GALNT17: variants seen among roughly 807,000 people sequenced by gnomAD.
GALNT17 encodes the protein UDP-GalNAc:polypeptide N-acetylgalactosaminyltransferase-like 3.
In GALNT17, 29 loss-of-function variants were observed where a neutral mutation model predicts 63.7. That is an observed-to-expected ratio of 0.46 (90% CI 0.34 to 0.62). The LOEUF is 0.62. Among genes scored for constraint, GALNT17 ranks in the 20% least tolerant of loss-of-function variants. GALNT17 has a pLI of 0.01. For synonymous variants in GALNT17, 305 were observed against 318.3 expected (o/e 0.96, Z 0.45); for missense variants, 603 against 799.6 (o/e 0.75, Z 2.97).
At chr7:71,532,963 C>T (rs956174453) in intron 5 of GALNT17, among the ~76,000 whole-genome samples, 5 of 152,112 alleles carry the variant, frequency 3.3e-5, no homozygotes, top group African/African-American at 1.2e-4. Flanking sequence ...GTGTGCCCCA[C>T]CTCCACCTAC....
At chr7:71,432,810 TTTG>T (rs990823779) in intron 5 of GALNT17, among the ~76,000 whole-genome samples, 2 of 152,166 alleles carry the variant, frequency 1.3e-5, no homozygotes, top group African/African-American at 2.4e-5. Flanking sequence ...TGTATTTCTT[TTTG>T]TTGTTGTTGT....
intron 5 of GALNT17, among the ~76,000 whole-genome samples, chr7:71,503,382 A>C (rs1380426603): frequency 1.3e-5 from 2 of 152,140 alleles, no homozygotes; most frequent in Non-Finnish European, 2.9e-5. Flanking sequence ...CTGGGACTAC[A>C]GGCACACACC....
chr7:71,676,393 T>C (rs1330043416), intron 8 of GALNT17, among the ~76,000 whole-genome samples: 12 of 149,898 alleles, frequency 8.0e-5, no homozygotes, highest in Admixed American at 7.0e-4. Flanking sequence ...TTTTTTTTCT[T>C]TTTTTTTTAG....
At chr7:71,435,266 T>A (rs1245230954) in intron 5 of GALNT17, among the ~76,000 whole-genome samples, 1 of 152,212 alleles carries the variant, frequency 6.6e-6, no homozygotes, top group African/African-American at 2.4e-5. Flanking sequence ...AGTGACTCCA[T>A]CTTCCTTCTA....
chr7:71,265,547 A>G (rs868542746), intron 1 of GALNT17, among the ~76,000 whole-genome samples: 48 of 152,302 alleles, frequency 3.2e-4, no homozygotes, highest in African/African-American at 1.1e-3. Context: ...AGGGCAAGGA[A>G]GGTTTGACAG....
Position 71,669,454 on chromosome 7 carries a change from T to C in GALNT17, c.1267-518T>C, listed in dbSNP as rs554655851. Among the ~76,000 whole-genome samples the C allele has an allele frequency of 1.6e-3, 250 of 151,780 alleles. 1 individual carries two copies. The highest frequency in any genetic ancestry group is 5.2e-3 in the African/African-American group (216 of 41,392). ...TGAACCCGGGAGGCCAAGGTTGCAG[T>C]GAGATGAGATCGTGCCACTGCATTC... On this transcript the variant is annotated intron_variant, in intron 7 of 10. Coordinates refer to ENST00000333538, the MANE Select transcript of GALNT17 (RefSeq NM_022479.3).
intron 5 of GALNT17, among the ~76,000 whole-genome samples, chr7:71,555,140 G>A (rs181117399): frequency 2.6e-5 from 4 of 151,992 alleles, no homozygotes; most frequent in East Asian, 1.9e-4. Context: ...CACAGGGAAG[G>A]CACCAAACCA....
chr7:71,348,646 C>T (rs959921476), intron 2 of GALNT17, among the ~76,000 whole-genome samples: 5 of 152,172 alleles, frequency 3.3e-5, no homozygotes, highest in African/African-American at 9.7e-5. Context: ...ATGGAATTCG[C>T]GATTTATTAG....
At chr7:71,693,205 GTA>G (rs1435384707) in intron 9 of GALNT17, among the ~76,000 whole-genome samples, 1 of 135,572 alleles carries the variant, frequency 7.4e-6, no homozygotes, top group Non-Finnish European at 1.6e-5. Flanking sequence ...TATAGTGTGT[GTA>G]TATATATCTA....
At chr7:71,699,746 C>A (rs1052733371) in intron 9 of GALNT17, among the ~76,000 whole-genome samples, 3 of 151,088 alleles carry the variant, frequency 2.0e-5, no homozygotes, top group African/African-American at 7.3e-5. Flanking sequence ...CCAGCCTGGG[C>A]AAAATAGTGA....
intron 6 of GALNT17, among the ~76,000 whole-genome samples, chr7:71,638,551 C>T (rs529501448): frequency 2.6e-5 from 4 of 152,102 alleles, no homozygotes; most frequent in African/African-American, 9.6e-5. Context: ...GGGATGTGGA[C>T]GAAAAGGGCA....
intron 1 of GALNT17, among the ~76,000 whole-genome samples, chr7:71,193,707 G>C (rs761716138): frequency 5.3e-5 from 8 of 151,922 alleles, no homozygotes; most frequent in Non-Finnish European, 1.2e-4. Context: ...CTGTGATTCT[G>C]TTTGTGTTTG....
At chr7:71,580,136 CAGAT>C (rs1417883099) in intron 6 of GALNT17, among the ~76,000 whole-genome samples, 7 of 151,350 alleles carry the variant, frequency 4.6e-5, no homozygotes, top group African/African-American at 1.2e-4. Flanking sequence ...ATAGAGATAA[CAGAT>C]AGATGGATAG....
intron 1 of GALNT17, among the ~76,000 whole-genome samples, chr7:71,246,783 C>CG (rs1790106109): frequency 6.6e-6 from 1 of 151,676 alleles, no homozygotes; most frequent in Admixed American, 6.6e-5. Flanking sequence ...GAGCTGAGAA[C>CG]GCGCCACTGC....
At chr7:71,667,066 G>T (rs942025507) in intron 7 of GALNT17, among the ~76,000 whole-genome samples, 5 of 152,228 alleles carry the variant, frequency 3.3e-5, no homozygotes, top group Non-Finnish European at 7.3e-5. Context: ...AGGGTAACCT[G>T]CACCCTCAGC....
chr7:71,216,627 CACATAT>C (rs1005287922), intron 1 of GALNT17, among the ~76,000 whole-genome samples: 11 of 151,828 alleles, frequency 7.2e-5, no homozygotes, highest in Non-Finnish European at 1.0e-4. Flanking sequence ...CACACACACA[CACATAT>C]ACATATATAT....
chr7:71,373,642 A>G (rs1356745375), intron 2 of GALNT17, among the ~76,000 whole-genome samples: 1 of 152,198 alleles, frequency 6.6e-6, no homozygotes, highest in South Asian at 2.1e-4. Flanking sequence ...TTGAATGCTC[A>G]TAGGAGTATT....
chr7:71,532,011 T>G (rs1788728806), intron 5 of GALNT17, among the ~76,000 whole-genome samples: 1 of 152,074 alleles, frequency 6.6e-6, no homozygotes, highest in Admixed American at 6.6e-5. Flanking sequence ...CAAGGGGTGT[T>G]AATGGCAAAT....
chr7:71,191,026 T>G (rs573863496), intron 1 of GALNT17, among the ~76,000 whole-genome samples: 2 of 152,272 alleles, frequency 1.3e-5, no homozygotes, highest in South Asian at 2.1e-4. Context: ...TTGTGTTTCT[T>G]GGAATTTTTT....
Sources: allele counts gnomAD v4.1 joint callset (sites outside exome capture counted in the v4.1 genomes callset), GRCh38; gene constraint gnomAD v4.1.1; transcripts MANE v1.5; gene names NCBI Gene and HGNC (gene_info 2026-07-23, HGNC 2026-07-21).